The following LINGO1 variants were observed in gnomAD, a reference collection of about 807,000 sequenced individuals.
The protein encoded by LINGO1 is leucine-rich repeat and immunoglobulin-like domain-containing nogo receptor-interacting protein 1.
In LINGO1, 11 loss-of-function variants were observed where a neutral mutation model predicts 37.3. That is an observed-to-expected ratio of 0.29 (90% CI 0.19 to 0.49). The LOEUF (loss-of-function observed/expected upper bound fraction) is 0.49. Ranked by LOEUF, LINGO1 falls within the 20% of genes least tolerant of loss-of-function variation. LINGO1 has a pLI of 0.99. For synonymous variants in LINGO1, 387 were observed against 403.0 expected, an observed-to-expected ratio of 0.96 and a Z score of 0.48; for missense variants, 585 against 878.2, an observed-to-expected ratio of 0.67 and a Z score of 4.22.
intron 2 of LINGO1, among the ~76,000 whole-genome samples, chr15:77,685,247 G>C (rs1244379099): frequency 6.6e-6 from 1 of 152,168 alleles, no homozygotes; most frequent in East Asian, 1.9e-4. Context: ...CTGTGGAGGA[G>C]GCAGCTTGAC....
In LINGO1 at chr15:77,644,499, G is replaced by A. The variant is rs181648117; in HGVS notation, c.-12-28599C>T. ...TACCTGCTTCTTCTGAGCCCACCCTGTGGTATTTCCGTCACCTGGGAAATA... is the reference window on the plus strand; with the variant it reads ...TACCTGCTTCTTCTGAGCCCACCCTATGGTATTTCCGTCACCTGGGAAATA... On this transcript the variant is annotated intron_variant, in intron 3 of 3. Transcript: ENST00000559893. Among the ~76,000 whole-genome samples the A allele has an allele frequency of 6.3e-3, 966 of 152,346 alleles. 10 individuals carry two copies. The highest frequency in any genetic ancestry group is 8.8e-3 in the Non-Finnish European group (601 of 68,034).
intron 1 of LINGO1, among the ~76,000 whole-genome samples, chr15:77,780,964 TGAA>T (rs2076711098): frequency 6.6e-6 from 1 of 152,200 alleles, no homozygotes; most frequent in African/African-American, 2.4e-5. Flanking sequence ...CTAAGATAGA[TGAA>T]GAAGTCAAGG....
rs948403783 is a variant in LINGO1 at position 77,722,009 on chromosome 15, G to A, written c.-195+12983C>T. ...TGCTCACCTTCCGAGGCTGCCTGGT[G>A]GGGGGTGAGGCTGGGTGCTTGATGC... On this transcript the variant is annotated intron_variant, in intron 2 of 3. Transcript: ENST00000561686. Among the ~76,000 whole-genome samples the A allele has an allele frequency of 2.6e-5, 4 of 152,166 alleles. No homozygotes were observed. In the South Asian group the frequency reaches 6.2e-4, roughly 24 times the overall value.
intron 1 of LINGO1, among the ~76,000 whole-genome samples, chr15:77,763,850 C>T (rs2076501643): frequency 6.6e-6 from 1 of 152,134 alleles, no homozygotes; most frequent in African/African-American, 2.4e-5. Flanking sequence ...CACCCCATTG[C>T]CAGCAAAAAC....
chr15:77,795,715 G>A (rs554109178), intron 2 of LINGO1, among the ~76,000 whole-genome samples: 20 of 152,336 alleles, frequency 1.3e-4, no homozygotes, highest in Admixed American at 2.6e-4. Context: ...GGCACTGTCC[G>A]TGAAACCCAC....
At chr15:77,751,098 T>G (rs2076366902) in intron 1 of LINGO1, among the ~76,000 whole-genome samples, 1 of 151,984 alleles carries the variant, frequency 6.6e-6, no homozygotes, top group South Asian at 2.1e-4. Flanking sequence ...GGGCACAGAG[T>G]GGGCACACCA....
intron 1 of LINGO1, among the ~76,000 whole-genome samples, chr15:77,740,405 C>T (rs1027734120): frequency 3.9e-5 from 6 of 152,202 alleles, no homozygotes; most frequent in South Asian, 4.1e-4. Context: ...GCCCCCAAGA[C>T]CCTCTTGTCT....
At chr15:77,760,797 G>A (rs114747178) in intron 1 of LINGO1, among the ~76,000 whole-genome samples, 160 of 152,260 alleles carry the variant, frequency 1.1e-3, no homozygotes, top group African/African-American at 3.8e-3. Flanking sequence ...CCTGGGTGCT[G>A]GGAAAGGAGG....
At chr15:77,756,787 T>A (rs2076424165) in intron 1 of LINGO1, among the ~76,000 whole-genome samples, 2 of 152,202 alleles carry the variant, frequency 1.3e-5, no homozygotes, top group Admixed American at 1.3e-4. Flanking sequence ...TGAACCACCA[T>A]GCCACCCACT....
intron 1 of LINGO1, among the ~76,000 whole-genome samples, chr15:77,628,767 G>C (rs539367309): frequency 2.0e-5 from 3 of 152,326 alleles, no homozygotes; most frequent in Admixed American, 1.3e-4. Flanking sequence ...TAGTGAGTAA[G>C]AGCCCCAGCC....
rs114626086 is a variant in LINGO1, at chr15:77,679,441, C to T, written c.-98-2267G>A. ...ATGATGACGATGATGGTGGTGATGA[C>T]GGTTGTGGAGGTGGTGATAGCTAAC... On this transcript the variant is annotated intron_variant, in intron 2 of 3. Transcript: ENST00000559893. Among the ~76,000 whole-genome samples, 789 of 152,226 alleles carry T rather than the reference C, an allele frequency of 5.2e-3. 6 individuals carry two copies. The highest frequency in any genetic ancestry group is 0.018 in the African/African-American group (758 of 41,526).
At chr15:77,766,316 A>AAC (rs1567571709) in intron 1 of LINGO1, among the ~76,000 whole-genome samples, 7 of 146,390 alleles carry the variant, frequency 4.8e-5, no homozygotes, top group South Asian at 4.2e-4. Flanking sequence ...AAAAAAAAAA[A>AAC]ACACACAAAC....
intron 1 of LINGO1, among the ~76,000 whole-genome samples, chr15:77,770,404 A>T (rs1056665113): frequency 6.6e-6 from 1 of 152,084 alleles, no homozygotes; most frequent in African/African-American, 2.4e-5. Flanking sequence ...CCTGACCAAC[A>T]TGGAGAAATC....
intron 1 of LINGO1, among the ~76,000 whole-genome samples, chr15:77,631,671 G>A (rs1331613060): frequency 1.3e-5 from 2 of 152,244 alleles, no homozygotes; most frequent in African/African-American, 4.8e-5. Context: ...TGGGGCAAGA[G>A]GAGGTGAGAA....
Position 77,613,654 on chromosome 15 carries a change from G to A in LINGO1, c.*390C>T, listed in dbSNP as rs78477580. On this transcript the variant is annotated 3_prime_UTR_variant, in exon 2 of 2. Coordinates refer to ENST00000355300, the MANE Select transcript of LINGO1 (RefSeq NM_032808.7). Reference sequence around the variant, plus strand: ...TCAGGACGTCAAAAGTTTGCATTCCGACTAGCTATAGGAAATAGTTTTTTT... The same window carrying A: ...TCAGGACGTCAAAAGTTTGCATTCCAACTAGCTATAGGAAATAGTTTTTTT... 8.4e-5 allele frequency: 16 copies of A among 190,852 alleles called. No homozygotes were observed. In the East Asian group the frequency reaches 2.0e-3, roughly 24 times the overall value. 11.8% of individuals were successfully genotyped at this position (190,852 alleles called of 1,614,324 possible).
upstream of LINGO1, among the ~76,000 whole-genome samples, chr15:77,638,852 T>TC (rs2074445353): frequency 6.6e-6 from 1 of 152,154 alleles, no homozygotes; most frequent in Admixed American, 6.5e-5. Flanking sequence ...GCTTGTGTAA[T>TC]CCCCTCCCCT....
intron 3 of LINGO1, among the ~76,000 whole-genome samples, chr15:77,657,165 A>G (rs1402669878): frequency 6.6e-6 from 1 of 152,138 alleles, no homozygotes; most frequent in Non-Finnish European, 1.5e-5. Flanking sequence ...AAATCTTCTA[A>G]GGCTTGATAC....
upstream of LINGO1, among the ~76,000 whole-genome samples, chr15:77,790,051 C>T (rs2076806380): frequency 6.6e-6 from 1 of 152,204 alleles, no homozygotes; most frequent in South Asian, 2.1e-4. Flanking sequence ...GGATTACAGG[C>T]ATGAGCCACA....
chr15:77,664,170 T>TGTGTGTGTGCGCGC, intron 3 of LINGO1, among the ~76,000 whole-genome samples: 113 of 130,990 alleles, frequency 8.6e-4, no homozygotes, highest in African/African-American at 3.9e-3. Flanking sequence ...TGTGTGTGTG[T>TGTGTGTGTGCGCGC]GCGCGCGCGC....
Sources: gnomAD v4.1 joint callset for allele counts (sites outside exome capture counted in the v4.1 genomes callset) on GRCh38, gnomAD v4.1.1 for gene constraint, MANE v1.5 for transcripts, NCBI Gene and HGNC (gene_info 2026-07-23, HGNC 2026-07-21) for gene names.